The following GPHN variants were observed in gnomAD, a reference collection of about 807,000 sequenced individuals.
The protein encoded by GPHN is gephyrin.
Under a neutral mutation model 95.5 loss-of-function variants are expected in GPHN, and 17 were observed. That is an observed-to-expected ratio of 0.18 (90% CI 0.12 to 0.27). The LOEUF (loss-of-function observed/expected upper bound fraction) is 0.27, where lower values mean the gene tolerates loss of function less well. Ranked by LOEUF, GPHN falls within the 10% of genes least tolerant of loss-of-function variation. GPHN has a pLI of 1.00. For missense variants in GPHN, 660 were observed against 978.1 expected (o/e 0.67, Z 4.34); for synonymous variants, 320 against 322.5 (o/e 0.99, Z 0.08).
At chr14:66,769,273 G>A (rs1385945394) in intron 2 of GPHN, among the ~76,000 whole-genome samples, 2 of 151,910 alleles carry the variant, frequency 1.3e-5, no homozygotes, top group African/African-American at 4.8e-5. Flanking sequence ...GTTTTAAAAA[G>A]TATTTTTAAA....
At chr14:66,939,268 T>A (rs2067282793) in intron 8 of GPHN, among the ~76,000 whole-genome samples, 1 of 152,114 alleles carries the variant, frequency 6.6e-6, no homozygotes, top group Non-Finnish European at 1.5e-5. Flanking sequence ...AGAAAATATT[T>A]GCAAATTATA....
chr14:66,715,128 T>C (rs1478929754), intron 2 of GPHN, among the ~76,000 whole-genome samples: 5 of 152,118 alleles, frequency 3.3e-5, no homozygotes, highest in Non-Finnish European at 7.4e-5. Flanking sequence ...CTGTTGTTAA[T>C]TTTTAAATTA....
intron 8 of GPHN, among the ~76,000 whole-genome samples, chr14:66,945,277 C>T (rs1227483713): frequency 1.3e-5 from 2 of 152,212 alleles, no homozygotes; most frequent in African/African-American, 2.4e-5. Flanking sequence ...ACCACACATG[C>T]GAGCTGAAGA....
chr14:67,545,119 C>T, the GPHN span, among the ~76,000 whole-genome samples: 12 of 152,306 alleles, frequency 7.9e-5, no homozygotes, highest in Admixed American at 3.3e-4. Context: ...CATAAGCAAT[C>T]AAGCTCTAGG....
the GPHN span, chr14:67,572,285 G>T: frequency 1.3e-6 from 2 of 1,586,698 alleles, no homozygotes; most frequent in East Asian, 2.3e-5. Flanking sequence ...GGGGTGAGCC[G>T]GGAAACGGGC....
chr14:66,728,902 C>T (rs2071502272), intron 2 of GPHN, among the ~76,000 whole-genome samples: 3 of 152,100 alleles, frequency 2.0e-5, no homozygotes, highest in African/African-American at 7.2e-5. Context: ...TATGGTTTGG[C>T]TGTGTCCCCA....
chr14:66,967,563 G>C (rs1342207773), intron 9 of GPHN, among the ~76,000 whole-genome samples: 1 of 151,860 alleles, frequency 6.6e-6, no homozygotes, highest in Non-Finnish European at 1.5e-5. Flanking sequence ...AATATTTGCA[G>C]ATACTTAAAC....
intron 21 of GPHN, among the ~76,000 whole-genome samples, chr14:67,174,089 A>T (rs981082383): frequency 1.3e-5 from 2 of 152,224 alleles, no homozygotes; most frequent in Non-Finnish European, 2.9e-5. Flanking sequence ...TTTTTTTATT[A>T]TACTTTAACT....
the GPHN span, chr14:67,204,458 T>C: frequency 4.1e-6 from 5 of 1,214,554 alleles, no homozygotes; most frequent in African/African-American, 4.7e-5. Flanking sequence ...AACAAACAAA[T>C]ATATATATAT....
At chr14:67,586,430 T>G in the GPHN span, 3 of 1,326,518 alleles carry the variant, frequency 2.3e-6, no homozygotes, top group East Asian at 1.4e-4. Context: ...GCAGCAGTCC[T>G]CAAGGCAGGG....
chr14:67,273,906 T>G, the GPHN span, among the ~76,000 whole-genome samples: 5 of 152,246 alleles, frequency 3.3e-5, no homozygotes, highest in Non-Finnish European at 7.3e-5. Flanking sequence ...GTCTGTTGGC[T>G]GCATGAATGT....
intron 1 of GPHN, among the ~76,000 whole-genome samples, chr14:66,567,948 A>T (rs1263695947): frequency 2.6e-5 from 4 of 152,180 alleles, no homozygotes; most frequent in Non-Finnish European, 4.4e-5. Context: ...AAGGTAGGTA[A>T]CTATGCCAGT....
chr14:67,404,253 C>T, the GPHN span, among the ~76,000 whole-genome samples: 1 of 152,154 alleles, frequency 6.6e-6, no homozygotes, highest in Admixed American at 6.5e-5. Context: ...AGGTCAGACT[C>T]CACAGTCTAA....
At chr14:66,939,880 C>T (rs994693628) in intron 8 of GPHN, among the ~76,000 whole-genome samples, 4 of 152,122 alleles carry the variant, frequency 2.6e-5, no homozygotes, top group African/African-American at 9.7e-5. Context: ...AGTTGCATGA[C>T]CGTTTGGAGG....
Position 66,844,941 on chromosome 14 carries a change from G to A in GPHN, c.294+20375G>A, listed in dbSNP as rs111862118. On this transcript the variant is annotated intron_variant, in intron 4 of 22. Coordinates refer to ENST00000478722, the MANE Select transcript of GPHN (RefSeq NM_020806.5). ...ACTTTCTGTCTTTATAAATTTGCCT[G>A]TTCTAGATACCTCATATAAGTGGAA... is the stretch of plus-strand genomic sequence containing the variant. 3.1e-3 allele frequency among the ~76,000 whole-genome samples: 464 copies of A among 152,046 alleles called. 8 individuals are homozygous for A. Among genetic ancestry groups the A allele is most frequent in the African/African-American group, 0.011 (439 of 41,450 alleles).
the GPHN span, among the ~76,000 whole-genome samples, chr14:67,528,024 C>T: frequency 2.0e-5 from 3 of 152,138 alleles, no homozygotes; most frequent in African/African-American, 4.8e-5. Context: ...TGTGGACACT[C>T]GGCAAGCACA....
intron 1 of GPHN, among the ~76,000 whole-genome samples, chr14:66,532,989 A>G (rs1192243646): frequency 6.6e-6 from 1 of 152,246 alleles, no homozygotes; most frequent in African/African-American, 2.4e-5. Context: ...TCTACAAACC[A>G]TGTTGGCAGG....
chr14:67,656,678 G>A, the GPHN span: 4 of 1,353,550 alleles, frequency 3.0e-6, no homozygotes, highest in South Asian at 1.7e-5. Flanking sequence ...CATGTTAGAA[G>A]GGATATAGTG....
intron 17 of GPHN, among the ~76,000 whole-genome samples, chr14:67,127,159 C>T (rs1347253508): frequency 6.6e-6 from 1 of 150,774 alleles, no homozygotes; most frequent in African/African-American, 2.4e-5. Context: ...TGCTAGAAGA[C>T]GAGTTAGTGG....
Sources: allele counts gnomAD v4.1 joint callset (sites outside exome capture counted in the v4.1 genomes callset), GRCh38; gene constraint gnomAD v4.1.1; transcripts MANE v1.5; gene names NCBI Gene and HGNC (gene_info 2026-07-23, HGNC 2026-07-21).